Variants in PPP1R13B observed in about 807,000 individuals in gnomAD.
PPP1R13B encodes the protein protein phosphatase 1 regulatory subunit 13B.
In PPP1R13B, 44 loss-of-function variants were observed where a neutral mutation model predicts 119.8. The ratio of observed to expected loss-of-function variants is 0.37; its 90% CI spans 0.29 to 0.47. The LOEUF (loss-of-function observed/expected upper bound fraction) is 0.47, where lower values mean the gene tolerates loss of function less well. PPP1R13B is among the 20% of genes least tolerant of loss of function. The pLI is 0.99. For missense variants in PPP1R13B, 1,227 were observed against 1,413.5 expected (o/e 0.87, Z 2.12); for synonymous variants, 542 against 561.5 (o/e 0.97, Z 0.49).
rs542159533 is a variant in PPP1R13B, at chr14:103,802,395, T to A, written c.10-4877A>T. On this transcript the variant is annotated intron_variant, in intron 1 of 16. Coordinates refer to ENST00000202556, the MANE Select transcript of PPP1R13B (RefSeq NM_015316.3). ...TTGAAGTTTCAAATGAGTAAAAAAA[T>A]TTTTTTTTACTACCTTCCCTTATAT... 5.8e-3 allele frequency among the ~76,000 whole-genome samples: 887 copies of A among 151,942 alleles called. 9 individuals are homozygous for A. Among genetic ancestry groups the A allele is most frequent in the African/African-American group, 0.018 (750 of 41,448 alleles).
At chr14:103,812,775 A>G (rs1454950775) in intron 1 of PPP1R13B, among the ~76,000 whole-genome samples, 1 of 152,244 alleles carries the variant, frequency 6.6e-6, no homozygotes, top group African/African-American at 2.4e-5. Context: ...AAGATGACAT[A>G]CAAATGGAAA....
At position 103,739,962 on chromosome 14, in the gene PPP1R13B, C is replaced by T; in HGVS notation, c.2454G>A (p.Glu818=). The change falls in exon 12 of 17, where the codon GAG becomes GAA. Residue 818 remains glutamate, a synonymous_variant. Transcript: ENST00000202556. The stretch of plus-strand genomic sequence containing the variant: ...CCGTGGCCACGTTGTTGTTATTGTC[C>T]TCTGCCGGCTCGGCAGTTTGGTGGG... ...QTTHQTAEPA[E]DNNNNVATVP... 1 of 1,614,128 alleles carries T rather than the reference C, an allele frequency of 6.2e-7. No homozygotes were observed. Among genetic ancestry groups the T allele is most frequent in the Non-Finnish European group, 8.5e-7 (1 of 1,180,036 alleles).
At chr14:103,762,958 AG>A (rs1217829340) in intron 4 of PPP1R13B, 3 of 1,102,776 alleles carry the variant, frequency 2.7e-6, no homozygotes, top group Non-Finnish European at 2.7e-6. Flanking sequence ...GCTAAATAAA[AG>A]TACCAGCCTC....
At position 103,734,429 on chromosome 14, in the gene PPP1R13B, A is replaced by G. The variant is rs772847523; in HGVS notation, c.*725T>C. ...GGTGAGAACCACACTGAGCAGCATG[A>G]CAGGCTGTGAGATCGGAGGAGAAGA... On this transcript the variant is annotated 3_prime_UTR_variant, in exon 17 of 17. Coordinates refer to ENST00000202556, the MANE Select transcript of PPP1R13B (RefSeq NM_015316.3). 9.2e-6 allele frequency: 4 copies of G among 435,772 alleles called. No homozygotes were observed. Among genetic ancestry groups the G allele is most frequent in the Admixed American group, 2.4e-5 (1 of 41,818 alleles). 27.0% of individuals were successfully genotyped at this position (435,772 alleles called of 1,614,324 possible). A position where few individuals can be genotyped will look rare whatever the true frequency, so the allele number is the denominator to read the frequency against.
chr14:103,836,051 T>C (rs2086769868), intron 1 of PPP1R13B, among the ~76,000 whole-genome samples: 1 of 151,050 alleles, frequency 6.6e-6, no homozygotes. Flanking sequence ...TACTGACTTT[T>C]TTTTTTTTTT....
intron 1 of PPP1R13B, among the ~76,000 whole-genome samples, chr14:103,825,938 G>A (rs112441213): frequency 2.2e-4 from 34 of 151,668 alleles, no homozygotes; most frequent in South Asian, 6.3e-4. Context: ...TCCACCTCCC[G>A]GGTTCAAGTG....
chr14:103,848,184 G>T, upstream of PPP1R13B: 1 of 943,624 alleles, frequency 1.1e-6, no homozygotes, highest in Non-Finnish European at 1.3e-6. Flanking sequence ...TCGGGGCCGC[G>T]CCCCCCGCAC....
intron 3 of PPP1R13B, among the ~76,000 whole-genome samples, chr14:103,783,379 C>T (rs1272654485): frequency 6.6e-6 from 1 of 151,960 alleles, no homozygotes; most frequent in African/African-American, 2.4e-5. Context: ...TCTGCCTCAG[C>T]CTCCTGAGTA....
At position 103,790,905 on chromosome 14, in the gene PPP1R13B, T is replaced by G. The variant is rs115842275; in HGVS notation, c.158-5991A>C. Among the ~76,000 whole-genome samples the G allele has an allele frequency of 4.1e-3, 620 of 152,226 alleles. 3 individuals are homozygous for G. Among genetic ancestry groups the G allele is most frequent in the African/African-American group, 0.014 (595 of 41,538 alleles). On this transcript the variant is annotated intron_variant, in intron 2 of 16. Coordinates refer to ENST00000202556, the MANE Select transcript of PPP1R13B (RefSeq NM_015316.3). Reference sequence around the variant, plus strand: ...CTGTAATACAGCTATAAACTTGTGTTTATACTTAAGATTTATAACTCTAAA... The same window carrying G: ...CTGTAATACAGCTATAAACTTGTGTGTATACTTAAGATTTATAACTCTAAA...
chr14:103,844,642 T>C (rs887843771), intron 1 of PPP1R13B, among the ~76,000 whole-genome samples: 3 of 151,804 alleles, frequency 2.0e-5, no homozygotes, highest in Non-Finnish European at 4.4e-5. Flanking sequence ...GGCAGGAGAA[T>C]CTCTCGAACC....
intron 1 of PPP1R13B, among the ~76,000 whole-genome samples, chr14:103,842,114 G>A (rs763987008): frequency 6.6e-6 from 1 of 152,098 alleles, no homozygotes; most frequent in Non-Finnish European, 1.5e-5. Context: ...TGAATACCTA[G>A]AATAAGTAAA....
At chr14:103,847,266 A>G (rs1482109126) in intron 1 of PPP1R13B, 33 bp downstream of exon 1, 4 of 1,185,682 alleles carry the variant, frequency 3.4e-6, no homozygotes, top group East Asian at 4.7e-5. Flanking sequence ...CCGCGGAGGA[A>G]GCCGCCGCCA....
rs2295143 is a variant in PPP1R13B at position 103,738,590 on chromosome 14, G to A, written c.2864+89C>T. The A allele has an allele frequency of 3.9e-5, 61 of 1,550,122 alleles. No homozygotes were observed. The East Asian group carries it at 7.3e-4, about 19-fold the overall frequency. ...TGTTCTTGCTCTAATTCTCTCTTCC[G>A]TGCTTCCTAATTGTCTAGAACACGC... On this transcript the variant is annotated intron_variant, in intron 14 of 16. Transcript: ENST00000202556. This position sits in a 1 kb window ranked among gnomAD's most constrained non-coding sequence, Gnocchi z 5.6.
At chr14:103,749,761 A>G in intron 8 of PPP1R13B, 33 bp downstream of exon 8, 2 of 1,598,748 alleles carry the variant, frequency 1.3e-6, no homozygotes, top group East Asian at 2.2e-5. Flanking sequence ...AACTATCTTT[A>G]GTAGTTTATC....
intron 2 of PPP1R13B, among the ~76,000 whole-genome samples, chr14:103,790,119 G>A (rs1263176569): frequency 2.0e-5 from 3 of 151,802 alleles, no homozygotes; most frequent in East Asian, 3.9e-4. Flanking sequence ...GGTGGCGGGC[G>A]CCTATAATCC....
intron 6 of PPP1R13B, among the ~76,000 whole-genome samples, chr14:103,753,658 T>C (rs887452457): frequency 2.0e-4 from 31 of 152,128 alleles, no homozygotes; most frequent in Non-Finnish European, 4.3e-4. Flanking sequence ...TCTGAATGAG[T>C]AAGTCTTGGA....
chr14:103,752,823 G>A (rs971175969), intron 7 of PPP1R13B, among the ~76,000 whole-genome samples, 177 bp downstream of exon 7: 16 of 152,172 alleles, frequency 1.1e-4, no homozygotes, highest in Admixed American at 3.9e-4. Context: ...GTGAGCTACC[G>A]CACCCGGCCT....
intron 3 of PPP1R13B, among the ~76,000 whole-genome samples, chr14:103,780,823 A>AT (rs2085319972): frequency 6.6e-6 from 1 of 151,576 alleles, no homozygotes; most frequent in Non-Finnish European, 1.5e-5. Flanking sequence ...AAAAAAAAAA[A>AT]GAAAGGAAAA....
At chr14:103,847,157 C>T (rs1395971572) in intron 1 of PPP1R13B, 142 bp downstream of exon 1, 4 of 986,564 alleles carry the variant, frequency 4.1e-6, no homozygotes, top group African/African-American at 1.8e-5. Context: ...GCGCCGCGGC[C>T]GGGCGCGCCC....
Sources: allele counts gnomAD v4.1 joint callset (sites outside exome capture counted in the v4.1 genomes callset), GRCh38; gene constraint gnomAD v4.1.1; non-coding constraint Gnocchi (gnomAD v3.1); transcripts MANE v1.5; gene names NCBI Gene and HGNC (gene_info 2026-07-23, HGNC 2026-07-21).